The following HEPHL1 variants were observed in gnomAD, a reference collection of about 807,000 sequenced individuals.
HEPHL1 encodes the protein hephaestin like 1, also known as ferroxidase HEPHL1.
A neutral mutation model predicts 122.0 loss-of-function variants in HEPHL1; 123 were observed. The ratio of observed to expected loss-of-function variants is 1.01; its 90% confidence interval spans 0.87 to 1.17. The LOEUF (loss-of-function observed/expected upper bound fraction) is 1.17. HEPHL1 is among the 50% of genes most tolerant of loss of function. The pLI is 0.00. For synonymous variants in HEPHL1, 527 were observed against 508.9 expected (o/e 1.04, Z -0.48); for missense variants, 1,452 against 1,430.5 (o/e 1.01, Z -0.24).
At chr11:94,067,984 C>T (rs1946047982) in intron 5 of HEPHL1, among the ~76,000 whole-genome samples, 1 of 152,126 alleles carries the variant, frequency 6.6e-6, no homozygotes, top group Non-Finnish European at 1.5e-5. Flanking sequence ...TTGATGAGAC[C>T]TTCGAGGAAC....
intron 1 of HEPHL1, among the ~76,000 whole-genome samples, chr11:94,022,946 G>A (rs1387113462): frequency 1.3e-5 from 2 of 152,180 alleles, no homozygotes; most frequent in African/African-American, 4.8e-5. Flanking sequence ...ATGTGATACT[G>A]GATTGCCTTT....
At chr11:94,039,239 C>T (rs923057957) in intron 1 of HEPHL1, among the ~76,000 whole-genome samples, 2 of 142,654 alleles carry the variant, frequency 1.4e-5, no homozygotes, top group East Asian at 2.1e-4. Flanking sequence ...GAGTGACCTA[C>T]AAAGAGACTT....
chr11:94,021,507 G>T lies in HEPHL1; in HGVS notation c.139G>T (p.Val47Phe), dbSNP rs768137716. The T allele has an allele frequency of 1.2e-6, 2 of 1,611,000 alleles. No individual in the cohort carries two copies. The highest frequency in any genetic ancestry group is 1.1e-5 in the South Asian group (1 of 90,262). Reference sequence around the variant, plus strand: ...GAACTATGTACCCCAAGGGAAGAATGTTATTACTGGGAAAAGTTTCACAGA... The same window carrying T: ...GAACTATGTACCCCAAGGGAAGAATTTTATTACTGGGAAAAGTTTCACAGA... ...YWNYVPQGKN[V>F]ITGKSFTEDK... is the part of the protein sequence containing the mutation. The change falls in exon 1 of 20, where the codon GTT (valine) becomes TTT (phenylalanine). Residue 47 changes from valine to phenylalanine, a missense_variant. Coordinates refer to ENST00000315765, the MANE Select transcript of HEPHL1 (RefSeq NM_001098672.2).
At chr11:94,082,111 G>A (rs1946175111) in intron 9 of HEPHL1, among the ~76,000 whole-genome samples, 2 of 152,214 alleles carry the variant, frequency 1.3e-5, no homozygotes, top group African/African-American at 4.8e-5. Flanking sequence ...GGGCTGGCAG[G>A]TCAGGGTAAG....
intron 9 of HEPHL1, among the ~76,000 whole-genome samples, chr11:94,076,105 T>G (rs983159272): frequency 6.6e-6 from 1 of 152,188 alleles, no homozygotes; most frequent in Non-Finnish European, 1.5e-5. Context: ...TGGCTCCACT[T>G]CTGGACTCAA....
In HEPHL1 at chr11:94,070,518, G is replaced by T. The variant is rs1403712822; in HGVS notation, c.1208G>T (p.Gly403Val). Residue 403 changes from glycine to valine, a missense_variant, in exon 6 of 20, where the codon GGT (glycine) becomes GTT (valine). Transcript: ENST00000315765. ...YAPQGYNKFSGLPLNASGSDS... is the reference protein window; with the variant it reads ...YAPQGYNKFSVLPLNASGSDS... ...CCTCAAGGCTATAACAAATTCAGTGGTCTTCCTCTAAACGCCTCTGGCAGG... is the reference window on the plus strand; with the variant it reads ...CCTCAAGGCTATAACAAATTCAGTGTTCTTCCTCTAAACGCCTCTGGCAGG... The T allele has an allele frequency of 6.2e-7, 1 of 1,610,940 alleles. No individual in the cohort carries two copies. Among genetic ancestry groups the T allele is most frequent in the Middle Eastern group, 1.7e-4 (1 of 6,046 alleles).
At chr11:94,063,769 A>T (rs778745466) in intron 3 of HEPHL1, 49 bp downstream of exon 3, 12 of 1,510,126 alleles carry the variant, frequency 7.9e-6, no homozygotes, top group Non-Finnish European at 1.1e-5. Context: ...TGTGAATAAG[A>T]TTCAGGTCTT....
chr11:94,075,047 G>T (rs775011180), intron 8 of HEPHL1, 127 bp from the exon 9 acceptor site: 1 of 731,920 alleles, frequency 1.4e-6, no homozygotes, highest in African/African-American at 1.8e-5. Context: ...ATACATAAGA[G>T]AAAACCACTC....
In HEPHL1 at chr11:94,088,347, A is replaced by G. The variant is rs1022468552; in HGVS notation, c.2081-408A>G. On this transcript the variant is annotated intron_variant, in intron 11 of 19. Transcript: ENST00000315765. ...CTTTAGGGCAAAATACTCATCAGAA[A>G]TATGGCTTAATTTGAACCTTGTCTA... Among the ~76,000 whole-genome samples, 7 of 152,316 alleles carry G rather than the reference A, an allele frequency of 4.6e-5. 1 individual carries two copies. The South Asian group carries it at 1.5e-3, about 32-fold the overall frequency.
chr11:94,093,404 G>A, intron 12 of HEPHL1, 97 bp from the exon 13 acceptor site: 8 of 1,381,698 alleles, frequency 5.8e-6, no homozygotes, highest in Non-Finnish European at 8.1e-6. Flanking sequence ...AGCCAGGTTT[G>A]GGGAGCACTT....
intron 17 of HEPHL1, among the ~76,000 whole-genome samples, chr11:94,108,888 G>A (rs1474034171): frequency 6.6e-6 from 1 of 151,850 alleles, no homozygotes; most frequent in Non-Finnish European, 1.5e-5. Context: ...ATAATTTGTT[G>A]ATTTTGATTT....
In HEPHL1 at chr11:94,112,707, G is replaced by T. The variant is rs924370970; in HGVS notation, c.*813G>T. 2 of 152,166 alleles carry T rather than the reference G, an allele frequency of 1.3e-5. No individual in the cohort carries two copies. The highest frequency in any genetic ancestry group is 4.8e-5 in the African/African-American group (2 of 41,448). The allele number at this position is 152,166 out of a possible 1,614,324, so 9.4% of individuals were successfully genotyped here. A position where few individuals can be genotyped will look rare whatever the true frequency, so the allele number is the denominator to read the frequency against. On this transcript the variant is annotated 3_prime_UTR_variant, in exon 20 of 20. Transcript: ENST00000315765. ...AGGGCTGAAATCTGTAAAAGAACAT[G>T]TTAGGCTCTCCCTTTATGAATCAGG...
intron 9 of HEPHL1, among the ~76,000 whole-genome samples, chr11:94,079,631 A>G (rs1220484011): frequency 6.6e-6 from 1 of 152,174 alleles, no homozygotes; most frequent in African/African-American, 2.4e-5. Flanking sequence ...GAGGGAATAC[A>G]TGCATGAAGG....
intron 17 of HEPHL1, among the ~76,000 whole-genome samples, chr11:94,107,629 G>T (rs926221852): frequency 6.6e-6 from 1 of 152,104 alleles, no homozygotes; most frequent in Admixed American, 6.5e-5. Context: ...AAGGTTATGT[G>T]GAAATCATAG....
At chr11:94,070,905 G>A (rs1238911313) in intron 6 of HEPHL1, among the ~76,000 whole-genome samples, 4 of 152,118 alleles carry the variant, frequency 2.6e-5, no homozygotes, top group Admixed American at 6.6e-5. Context: ...AAGAGGGAAT[G>A]ACAGGAGATG....
chr11:94,095,353 T>C (rs1946302554), intron 13 of HEPHL1, among the ~76,000 whole-genome samples: 1 of 152,328 alleles, frequency 6.6e-6, no homozygotes, highest in African/African-American at 2.4e-5. Flanking sequence ...CATTGGTCTA[T>C]ATCTTTGTTT....
intron 17 of HEPHL1, among the ~76,000 whole-genome samples, chr11:94,109,922 A>C (rs1191952490): frequency 1.3e-5 from 2 of 152,192 alleles, no homozygotes; most frequent in Non-Finnish European, 2.9e-5. Flanking sequence ...TTTCTCCATT[A>C]AATGTTTGGT....
intron 17 of HEPHL1, among the ~76,000 whole-genome samples, chr11:94,110,196 C>G (rs1946437388): frequency 6.6e-6 from 1 of 151,966 alleles, no homozygotes; most frequent in African/African-American, 2.4e-5. Context: ...TTAATGTGTC[C>G]TTTTCCCTTT....
chr11:94,068,081 C>T (rs1565353618), intron 5 of HEPHL1, among the ~76,000 whole-genome samples: 1 of 152,160 alleles, frequency 6.6e-6, no homozygotes, highest in Non-Finnish European at 1.5e-5. Flanking sequence ...TTGGGTGTTG[C>T]AGTCACTACT....
Sources: allele counts gnomAD v4.1 joint callset (sites outside exome capture counted in the v4.1 genomes callset), GRCh38; gene constraint gnomAD v4.1.1; transcripts MANE v1.5; gene names NCBI Gene and HGNC (gene_info 2026-07-23, HGNC 2026-07-21).